ARHGAP31: variants seen among roughly 807,000 people sequenced by gnomAD.
ARHGAP31 encodes the protein rho GTPase-activating protein 31.
ARHGAP31 carries 34 observed loss-of-function variants against 113.9 expected under a neutral mutation model. The ratio of observed to expected loss-of-function variants is 0.30; its 90% CI spans 0.23 to 0.40. ARHGAP31 has a LOEUF of 0.40. Among genes scored for constraint, ARHGAP31 ranks in the 10% least tolerant of loss-of-function variants. The pLI, the probability that ARHGAP31 is intolerant of heterozygous loss-of-function variation, is 1.00. For synonymous variants in ARHGAP31, 650 were observed against 684.8 expected, an observed-to-expected ratio of 0.95 and a Z score of 0.79; for missense variants, 1,548 against 1,767.1, an observed-to-expected ratio of 0.88 and a Z score of 2.22.
chr3:119,372,496 T>C (rs915013165), intron 3 of ARHGAP31, among the ~76,000 whole-genome samples: 3 of 152,162 alleles, frequency 2.0e-5, no homozygotes, highest in South Asian at 4.1e-4. Flanking sequence ...TTGGCCAGCC[T>C]GGTCTTGAAC....
At chr3:119,313,730 T>A (rs1006389614) in intron 1 of ARHGAP31, among the ~76,000 whole-genome samples, 1 of 152,196 alleles carries the variant, frequency 6.6e-6, no homozygotes, top group Non-Finnish European at 1.5e-5. Context: ...ACAGTGGTTA[T>A]CCAGGCCAAC....
chr3:119,399,336 T>G, intron 9 of ARHGAP31, 75 bp downstream of exon 9: 1 of 1,231,600 alleles, frequency 8.1e-7, no homozygotes, highest in Non-Finnish European at 1.2e-6. Flanking sequence ...TTATAAGCTG[T>G]CATGCCTGCT....
At chr3:119,317,176 CTT>C (rs947287467) in intron 1 of ARHGAP31, among the ~76,000 whole-genome samples, 1 of 139,438 alleles carries the variant, frequency 7.2e-6, no homozygotes, top group Non-Finnish European at 1.6e-5. Flanking sequence ...TTTCTATTTT[CTT>C]TTTTCTTTTT....
intron 1 of ARHGAP31, among the ~76,000 whole-genome samples, chr3:119,306,427 C>T (rs369823828): frequency 4.1e-4 from 62 of 152,092 alleles, no homozygotes; most frequent in Middle Eastern, 3.4e-3. Flanking sequence ...CATGGTGGCG[C>T]GTGCCTGTAA....
At chr3:119,383,267 T>C in intron 6 of ARHGAP31, 41 bp downstream of exon 6, 1 of 1,612,192 alleles carries the variant, frequency 6.2e-7, no homozygotes, top group Non-Finnish European at 8.5e-7. Context: ...AGCTTATCCT[T>C]CTTTCTTGCA....
chr3:119,304,926 A>AAATAT (rs2079618186), intron 1 of ARHGAP31, among the ~76,000 whole-genome samples: 1 of 87,890 alleles, frequency 1.1e-5, no homozygotes, highest in Non-Finnish European at 2.1e-5. Flanking sequence ...AAATAAAATA[A>AAATAT]AATAAAATAA....
Position 119,294,757 on chromosome 3 carries a change from C to T in ARHGAP31, c.-148C>T. ...GCCCGCGGCCCGCGGGGTCCATGCGCAGGGCCCCCAGCCCAAGTTCTTCCA... is the reference window on the plus strand; with the variant it reads ...GCCCGCGGCCCGCGGGGTCCATGCGTAGGGCCCCCAGCCCAAGTTCTTCCA... On this transcript the variant is annotated 5_prime_UTR_variant, in exon 1 of 12. Coordinates refer to ENST00000264245, the MANE Select transcript of ARHGAP31 (RefSeq NM_020754.4). 2.6e-6 allele frequency: 2 copies of T among 758,780 alleles called. No homozygotes were observed. Among genetic ancestry groups the T allele is most frequent in the Non-Finnish European group, 2.3e-6 (1 of 441,680 alleles). The allele number at this position is 758,780 out of a possible 1,614,324, so 47.0% of individuals were successfully genotyped here. A position where few individuals can be genotyped will look rare whatever the true frequency, so the allele number is the denominator to read the frequency against.
At position 119,336,553 on chromosome 3, in the gene ARHGAP31, T is replaced by C. The variant is rs566908089; in HGVS notation, c.101-28763T>C. Among the ~76,000 whole-genome samples the C allele has an allele frequency of 2.0e-5, 3 of 152,344 alleles. No homozygotes were observed. The South Asian group carries it at 6.2e-4, about 32-fold the overall frequency. ...AATCACCAAGCACTGATAATTCTAA[T>C]ATTGACAGTGATAAAATATTCCTCC... On this transcript the variant is annotated intron_variant, in intron 1 of 11. Transcript: ENST00000264245.
chr3:119,409,659 G>T lies in ARHGAP31; in HGVS notation c.1809G>T (p.Glu603Asp), dbSNP rs1559996638. ...GCTCTCAACATTTAAATGAATTAGA[G>T]AAGAGGCCAAATCCGGAGAAGGTGG... ...SLSSQHLNEL[E>D]KRPNPEKVVE... Residue 603 changes from glutamate (E) to aspartate (D), a missense_variant, in exon 11 of 12, where the codon GAG becomes GAT. Transcript: ENST00000264245. 6.2e-7 allele frequency: 1 copy of T among 1,612,648 alleles called. No individual in the cohort carries two copies.
intron 5 of ARHGAP31, among the ~76,000 whole-genome samples, chr3:119,382,825 A>C (rs1318947490): frequency 6.6e-6 from 1 of 152,184 alleles, no homozygotes; most frequent in Non-Finnish European, 1.5e-5. Context: ...AAGGAAACAA[A>C]AGTCAATTTC....
intron 10 of ARHGAP31, among the ~76,000 whole-genome samples, chr3:119,406,807 T>C (rs750442453): frequency 3.3e-5 from 5 of 152,184 alleles, no homozygotes; most frequent in Non-Finnish European, 7.4e-5. Context: ...ATGACACACC[T>C]TCTCATTGTT....
At chr3:119,397,803 C>T (rs974686250) in intron 8 of ARHGAP31, among the ~76,000 whole-genome samples, 1 of 152,240 alleles carries the variant, frequency 6.6e-6, no homozygotes, top group Non-Finnish European at 1.5e-5. Flanking sequence ...AACTGCTTCT[C>T]ATAGAACCTT....
intron 1 of ARHGAP31, among the ~76,000 whole-genome samples, chr3:119,320,229 T>G (rs2107601855): frequency 6.6e-6 from 1 of 152,300 alleles, no homozygotes; most frequent in South Asian, 2.1e-4. Flanking sequence ...CTAGCGAAAC[T>G]TGGTTTTATC....
At chr3:119,378,586 G>A (rs916811211) in intron 3 of ARHGAP31, among the ~76,000 whole-genome samples, 1 of 152,172 alleles carries the variant, frequency 6.6e-6, no homozygotes. Flanking sequence ...GCATGATTCC[G>A]GCTTTGCAGA....
intron 4 of ARHGAP31, among the ~76,000 whole-genome samples, chr3:119,381,980 C>A (rs574721296): frequency 6.8e-5 from 9 of 131,490 alleles, no homozygotes; most frequent in Non-Finnish European, 1.4e-4. Flanking sequence ...AGCGAGACTC[C>A]GTCTCAAAAA....
At chr3:119,363,258 C>A (rs901699477) in intron 1 of ARHGAP31, among the ~76,000 whole-genome samples, 20 of 152,140 alleles carry the variant, frequency 1.3e-4, no homozygotes, top group African/African-American at 4.3e-4. Flanking sequence ...GAACTGTTTT[C>A]ATTTATCTAT....
At chr3:119,365,471 C>A in intron 2 of ARHGAP31, 53 bp downstream of exon 2, 1 of 1,480,394 alleles carries the variant, frequency 6.8e-7, no homozygotes, top group South Asian at 1.1e-5. Context: ...CTCCTGTGTC[C>A]ATGCCTCTGT....
intron 1 of ARHGAP31, among the ~76,000 whole-genome samples, chr3:119,307,923 C>T (rs1477603070): frequency 6.2e-5 from 3 of 48,202 alleles, no homozygotes; most frequent in Non-Finnish European, 1.2e-4. Flanking sequence ...AGAGTGAATC[C>T]AAGTATGAAT....
chr3:119,358,046 T>G (rs1378506554), intron 1 of ARHGAP31, among the ~76,000 whole-genome samples: 2 of 152,230 alleles, frequency 1.3e-5, no homozygotes, highest in Non-Finnish European at 2.9e-5. Flanking sequence ...GTAAAACTTC[T>G]GTGCTTCAAA....
Sources: gnomAD v4.1 joint callset for allele counts (sites outside exome capture counted in the v4.1 genomes callset) on GRCh38, gnomAD v4.1.1 for gene constraint, MANE v1.5 for transcripts, NCBI Gene and HGNC (gene_info 2026-07-23, HGNC 2026-07-21) for gene names.